EPM2A: variants seen among roughly 807,000 people sequenced by gnomAD.
EPM2A encodes laforin.
Under a neutral mutation model 26.5 loss-of-function variants are expected in EPM2A, and 21 were observed. The observed-to-expected ratio is 0.79, with a 90% CI of 0.56 to 1.14. The LOEUF (loss-of-function observed/expected upper bound fraction) is 1.14, where lower values mean the gene tolerates loss of function less well. Among genes scored for constraint, EPM2A ranks in the 50% most tolerant of loss-of-function variants. EPM2A has a pLI of 0.00. For missense variants in EPM2A, 458 were observed against 440.8 expected (o/e 1.04, Z -0.35); for synonymous variants, 217 against 177.6 (o/e 1.22, Z -1.76).
chr6:145,721,260 C>T (rs913327850), intron 1 of EPM2A: 1 of 152,154 alleles, frequency 6.6e-6, no homozygotes, highest in Non-Finnish European at 1.5e-5. Flanking sequence ...TACAATTTAC[C>T]ATTTAAAACC....
chr6:145,388,152 G>A (rs1166528124), intron 4 of EPM2A, among the ~76,000 whole-genome samples: 3 of 152,134 alleles, frequency 2.0e-5, no homozygotes, highest in African/African-American at 7.2e-5. Flanking sequence ...TTGAAGCTTG[G>A]TGGTGAATGC....
At chr6:145,641,429 C>T in intron 2 of EPM2A, 1 of 152,192 alleles carries the variant, frequency 6.6e-6, no homozygotes, top group East Asian at 1.9e-4. Context: ...AAGGAGTCAA[C>T]CCTGTGGACA....
At chr6:145,673,552 A>G (rs1447820509) in intron 2 of EPM2A, among the ~76,000 whole-genome samples, 1 of 152,212 alleles carries the variant, frequency 6.6e-6, no homozygotes, top group Non-Finnish European at 1.5e-5. Flanking sequence ...TGTACCTGGA[A>G]AAACAGGACA....
intron 4 of EPM2A, among the ~76,000 whole-genome samples, chr6:145,400,974 C>T (rs1310942068): frequency 6.6e-6 from 1 of 151,760 alleles, no homozygotes; most frequent in Non-Finnish European, 1.5e-5. Context: ...AATGTTCCTG[C>T]AGAATGAAAA....
chr6:145,510,116 CTT>C (rs923773133), intron 2 of EPM2A, among the ~76,000 whole-genome samples: 220 of 151,730 alleles, frequency 1.4e-3, no homozygotes, highest in African/African-American at 5.0e-3. Context: ...AAAAAAAAGA[CTT>C]AACGCAGCCA....
intron 2 of EPM2A, among the ~76,000 whole-genome samples, chr6:145,530,139 G>A (rs1417085924): frequency 1.3e-5 from 2 of 152,118 alleles, no homozygotes; most frequent in Admixed American, 1.3e-4. Flanking sequence ...CAGAGCTACA[G>A]TAGCTGAGGA....
chr6:145,465,835 A>C (rs1281359684), intron 4 of EPM2A, among the ~76,000 whole-genome samples: 4 of 152,216 alleles, frequency 2.6e-5, no homozygotes, highest in African/African-American at 9.6e-5. Context: ...ATAACGCCGC[A>C]TATCTACAAC....
chr6:145,481,817 G>C (rs1299174248), intron 4 of EPM2A, among the ~76,000 whole-genome samples: 1 of 152,238 alleles, frequency 6.6e-6, no homozygotes, highest in East Asian at 1.9e-4. Flanking sequence ...TTTTCTAACA[G>C]AAAATGTGTA....
intron 2 of EPM2A, among the ~76,000 whole-genome samples, chr6:145,523,065 C>T (rs1780225306): frequency 6.6e-6 from 1 of 152,170 alleles, no homozygotes; most frequent in African/African-American, 2.4e-5. Context: ...TATATTCAGA[C>T]ATTTTCATAC....
chr6:145,614,285 A>C (rs1775459296), intron 2 of EPM2A, among the ~76,000 whole-genome samples: 1 of 152,240 alleles, frequency 6.6e-6, no homozygotes, highest in Non-Finnish European at 1.5e-5. Context: ...GCTCTGGATT[A>C]GGCTTTGACT....
intron 2 of EPM2A, among the ~76,000 whole-genome samples, chr6:145,672,824 T>C (rs1338654528): frequency 6.6e-6 from 1 of 152,224 alleles, no homozygotes. Flanking sequence ...AGGCAGGAGT[T>C]TGGCAAAGCC....
chr6:145,551,861 C>CTT (rs11322536), intron 2 of EPM2A, among the ~76,000 whole-genome samples: 1 of 145,588 alleles, frequency 6.9e-6, no homozygotes, highest in Non-Finnish European at 1.5e-5. Flanking sequence ...TGTACTTAAA[C>CTT]TTTTTTTTTT....
chr6:145,515,132 AG>A (rs1266824406), intron 2 of EPM2A, among the ~76,000 whole-genome samples: 1 of 152,194 alleles, frequency 6.6e-6, no homozygotes, highest in Non-Finnish European at 1.5e-5. Flanking sequence ...AAAGACAAGA[AG>A]GGTATGGGTA....
intron 1 of EPM2A, among the ~76,000 whole-genome samples, chr6:145,690,920 T>C (rs1392446751): frequency 2.0e-5 from 3 of 149,668 alleles, no homozygotes; most frequent in Middle Eastern, 6.8e-3. Context: ...GACTTCAAGA[T>C]AGAATCATGG....
chr6:145,519,631 C>T (rs1780177315), intron 2 of EPM2A, among the ~76,000 whole-genome samples: 1 of 152,138 alleles, frequency 6.6e-6, no homozygotes, highest in Non-Finnish European at 1.5e-5. Flanking sequence ...CCAAGGAGCG[C>T]ACCACAGAGG....
chr6:145,549,808 T>G (rs1350217298), intron 2 of EPM2A, among the ~76,000 whole-genome samples: 1 of 152,116 alleles, frequency 6.6e-6, no homozygotes, highest in Non-Finnish European at 1.5e-5. Context: ...GTGGCAGTAG[T>G]GTGCAGAAGC....
At chr6:145,664,695 A>G (rs2128591664) in intron 2 of EPM2A, among the ~76,000 whole-genome samples, 1 of 152,314 alleles carries the variant, frequency 6.6e-6, no homozygotes, top group East Asian at 1.9e-4. Flanking sequence ...TCCACCCCAA[A>G]TCGACAGAAT....
At chr6:145,578,828 C>A (rs1582870705) in intron 2 of EPM2A, among the ~76,000 whole-genome samples, 1 of 152,102 alleles carries the variant, frequency 6.6e-6, no homozygotes, top group African/African-American at 2.4e-5. Flanking sequence ...TCTCTCCCTC[C>A]AAATCTTTAC....
At chr6:145,485,234 G>A (rs752487858) in intron 4 of EPM2A, among the ~76,000 whole-genome samples, 9 of 152,094 alleles carry the variant, frequency 5.9e-5, no homozygotes, top group Middle Eastern at 3.4e-3. Context: ...GTGAAGAGGG[G>A]CAACAAGGTG....
Sources: gnomAD v4.1 joint callset for allele counts (sites outside exome capture counted in the v4.1 genomes callset) on GRCh38, gnomAD v4.1.1 for gene constraint, MANE v1.5 for transcripts, NCBI Gene and HGNC (gene_info 2026-07-23, HGNC 2026-07-21) for gene names.